Variants in CNKSR1 observed in about 807,000 individuals in gnomAD.
CNKSR1 encodes the protein CNK homolog protein 1.
Under a neutral mutation model 95.6 loss-of-function variants are expected in CNKSR1, and 88 were observed. The ratio of observed to expected loss-of-function variants is 0.92; its 90% confidence interval spans 0.78 to 1.10. The LOEUF (loss-of-function observed/expected upper bound fraction) is 1.10. Among genes scored for constraint, CNKSR1 ranks in the 50% least tolerant of loss-of-function variants. CNKSR1 has a pLI of 0.00. For synonymous variants in CNKSR1, 355 were observed against 369.7 expected, an observed-to-expected ratio of 0.96 and a Z score of 0.46; for missense variants, 836 against 912.0, an observed-to-expected ratio of 0.92 and a Z score of 1.07.
chr1:26,182,047 C>A (rs114806650), intron 4 of CNKSR1, 106 bp downstream of exon 4: 2 of 1,135,252 alleles, frequency 1.8e-6, no homozygotes, highest in Non-Finnish European at 1.3e-6. Context: ...AGGATTGAGA[C>A]GGGCGAGAAA....
At chr1:26,184,037 T>C in intron 9 of CNKSR1, 34 bp from the exon 10 acceptor site, 1 of 1,491,584 alleles carries the variant, frequency 6.7e-7, no homozygotes. Context: ...TTCAGACCCC[T>C]GTCTCCATTG....
chr1:26,180,592 G>A lies in CNKSR1; in HGVS notation c.192G>A (p.Val64=), dbSNP rs1377566625. 7 of 1,614,086 alleles carry A rather than the reference G, an allele frequency of 4.3e-6. No homozygotes were observed. The East Asian group carries it at 1.6e-4, about 36-fold the overall frequency. ...LGHQELILGG[V]EQLQALSSRL... ...ACCAGGAGCTCATCCTGGGCGGGGT[G>A]GAACAGCTCCAGGCCCTGGTGAGTG... is the stretch of plus-strand genomic sequence containing the variant. Residue 64 remains valine, a synonymous_variant, in exon 2 of 21, where the codon GTG becomes GTA. Transcript: ENST00000361530.
intron 3 of CNKSR1, chr1:26,181,546 T>C (rs77337131): frequency 0.039 from 12,348 of 313,604 alleles, 399 homozygotes; most frequent in Non-Finnish European, 0.059. Flanking sequence ...TAATAAATAA[T>C]AACTTATTAT....
In CNKSR1 at chr1:26,188,633, A is replaced by G; in HGVS notation, c.1626A>G (p.Gly542=). Residue 542 remains glycine (G), a synonymous_variant, in exon 19 of 21, where the codon GGA becomes GGG. Transcript: ENST00000361530. The stretch of plus-strand genomic sequence containing the variant: ...CTCAAGCTGGGAGTCCCCTCCATGG[A>G]GACACATCACCTGCAGCCACCCCCA... ...SPAQAGSPLH[G]DTSPAATPTQ... 3.1e-6 allele frequency: 5 copies of G among 1,613,738 alleles called. No individual in the cohort carries two copies. The East Asian group carries it at 1.1e-4, about 36-fold the overall frequency.
At chr1:26,185,805 A>G (rs1465720895) in intron 14 of CNKSR1, among the ~76,000 whole-genome samples, 1 of 152,106 alleles carries the variant, frequency 6.6e-6, no homozygotes. Context: ...TGCTGGGATT[A>G]TAGGCGTGAG....
In CNKSR1 at chr1:26,189,032, C is replaced by T. The variant is rs2088815874; in HGVS notation, c.1872+79C>T. 12 of 1,403,498 alleles carry T rather than the reference C, an allele frequency of 8.6e-6. No individual in the cohort carries two copies. In the South Asian group the frequency reaches 1.4e-4, roughly 17 times the overall value. 86.9% of individuals were successfully genotyped at this position (1,403,498 alleles called of 1,614,324 possible). On this transcript the variant is annotated intron_variant, in intron 20 of 20. Transcript: ENST00000361530. ...TTGGTTTGCGGCTGTCACCTCCACC[C>T]TGGGCACCAGACTCCAGACTCCAGA...
At position 26,189,644 on chromosome 1, in the gene CNKSR1, C is replaced by T. The variant is rs553070807; in HGVS notation, c.*96C>T. ...GGACAGAGCATCCCTGGATTCTGTT[C>T]AGGGTGGGAAGTAGTACTGCTAGTC... On this transcript the variant is annotated 3_prime_UTR_variant, in exon 21 of 21. Transcript: ENST00000361530. 303 of 803,596 alleles carry T rather than the reference C, an allele frequency of 3.8e-4. 3 individuals carry two copies. Among genetic ancestry groups the T allele is most frequent in the South Asian group, 1.8e-3 (132 of 74,960 alleles). The allele number at this position is 803,596 out of a possible 1,614,324, so 49.8% of individuals were successfully genotyped here. A position where few individuals can be genotyped will look rare whatever the true frequency, so the allele number is the denominator to read the frequency against.
intron 14 of CNKSR1, chr1:26,186,962 C>G (rs2088762367): frequency 3.7e-6 from 2 of 547,100 alleles, no homozygotes; most frequent in Non-Finnish European, 6.6e-6. Flanking sequence ...CTCCCCTTTC[C>G]TGGCTTAGAG....
intron 9 of CNKSR1, 79 bp from the exon 10 acceptor site, chr1:26,183,992 G>A: frequency 1.1e-6 from 1 of 892,342 alleles, no homozygotes. Context: ...ACCTGCTCCT[G>A]CTGCTCCCCT....
At chr1:26,188,400 C>T (rs1280108924) in intron 17 of CNKSR1, 42 bp from the exon 18 acceptor site, 5 of 1,604,122 alleles carry the variant, frequency 3.1e-6, no homozygotes, top group African/African-American at 2.7e-5. Context: ...CCCTAGGCCA[C>T]TCCCTGGCCT....
At chr1:26,179,844 A>T (rs1426544367) in intron 1 of CNKSR1, among the ~76,000 whole-genome samples, 1 of 152,178 alleles carries the variant, frequency 6.6e-6, no homozygotes, top group African/African-American at 2.4e-5. Context: ...GCATTAAAAT[A>T]CAAACTGCTG....
At chr1:26,181,167 G>A (rs1194162697) in intron 3 of CNKSR1, 2 of 408,426 alleles carry the variant, frequency 4.9e-6, no homozygotes, top group East Asian at 1.1e-4. Context: ...TGTAATCCCA[G>A]CTACTGGGGA....
chr1:26,181,831 C>T, intron 3 of CNKSR1, 26 bp from the exon 4 acceptor site: 1 of 1,609,346 alleles, frequency 6.2e-7, no homozygotes, highest in Non-Finnish European at 8.5e-7. Context: ...AGTCCCTTAA[C>T]CACTGTGCTA....
rs751291867 is a variant in CNKSR1 at position 26,184,434 on chromosome 1, T to TC, written c.1040dup (p.Glu348GlyfsTer18). 49 of 1,612,078 alleles carry TC rather than the reference T, an allele frequency of 3.0e-5. No individual in the cohort carries two copies. The African/African-American group carries it at 5.6e-4, about 19-fold the overall frequency. ...TCCCTTGGCCCTGAGCCCCTGCCCA[T>TC]CCCCCCGGAACCCCCAGCCATACTC... is the stretch of plus-strand genomic sequence containing the variant. On this transcript the variant is annotated frameshift_variant, in exon 12 of 21. Transcript: ENST00000361530. LOFTEE classifies it high-confidence loss of function.
In CNKSR1 at chr1:26,186,296, T is replaced by G. The variant is rs146974008; in HGVS notation, c.1309-872T>G. Among the ~76,000 whole-genome samples, 1,219 of 152,314 alleles carry G rather than the reference T, an allele frequency of 8.0e-3. 15 individuals carry two copies. Among genetic ancestry groups the G allele is most frequent in the Admixed American group, 0.01 (158 of 15,294 alleles). On this transcript the variant is annotated intron_variant, in intron 14 of 20. Coordinates refer to ENST00000361530, the MANE Select transcript of CNKSR1 (RefSeq NM_006314.3). ...AAATGCATGAGCAAGCTCTTCTTGT[T>G]TGGTTTTTTGGTTTTTGTTTTTGAG... is the stretch of plus-strand genomic sequence containing the variant.
In CNKSR1 at chr1:26,185,193, C is replaced by A. The variant is rs1352623484; in HGVS notation, c.1308+7C>A. 2 of 1,551,570 alleles carry A rather than the reference C, an allele frequency of 1.3e-6. No homozygotes were observed. The highest frequency in any genetic ancestry group is 1.4e-5 in the African/African-American group (1 of 73,170). On this transcript the variant is annotated splice_region_variant and intron_variant, in intron 14 of 20. Transcript: ENST00000361530. The stretch of plus-strand genomic sequence containing the variant: ...CTGGTACCGCCAGCCCCAGGTAAGA[C>A]CCCATACACAAAAACAGGTAGGCAA...
At position 26,185,140 on chromosome 1, in the gene CNKSR1, G is replaced by C. The variant is rs368996857; in HGVS notation, c.1262G>C (p.Trp421Ser). 2 of 1,575,344 alleles carry C rather than the reference G, an allele frequency of 1.3e-6. No homozygotes were observed. Among genetic ancestry groups the C allele is most frequent in the African/African-American group, 2.7e-5 (2 of 74,308 alleles). The change falls in exon 14 of 21, where the codon TGG becomes TCG. Residue 421 changes from tryptophan (W) to serine (S), a missense_variant. By Grantham distance (177) the Trp-to-Ser change is radical. Coordinates refer to ENST00000361530, the MANE Select transcript of CNKSR1 (RefSeq NM_006314.3). ...GFMGPRWRRRWFVLKGHTLYW... is the reference protein window; with the variant it reads ...GFMGPRWRRRSFVLKGHTLYW... Reference sequence around the variant, plus strand: ...ATGGGCCCGCGCTGGCGCCGCCGCTGGTTTGTGCTCAAGGGACACACGCTC... The same window carrying C: ...ATGGGCCCGCGCTGGCGCCGCCGCTCGTTTGTGCTCAAGGGACACACGCTC...
intron 6 of CNKSR1, among the ~76,000 whole-genome samples, chr1:26,182,929 C>A (rs896910934): frequency 1.3e-5 from 2 of 152,088 alleles, no homozygotes; most frequent in Non-Finnish European, 2.9e-5. Flanking sequence ...CCTGCCCTGT[C>A]CCTGCTTGTC....
chr1:26,181,597 A>C (rs1455766470), intron 3 of CNKSR1: 3 of 452,826 alleles, frequency 6.6e-6, no homozygotes, highest in African/African-American at 6.0e-5. Context: ...ATTACAGCCA[A>C]AGTTAAATTG....
Sources: allele counts gnomAD v4.1 joint callset (sites outside exome capture counted in the v4.1 genomes callset), GRCh38; gene constraint gnomAD v4.1.1; transcripts MANE v1.5; gene names NCBI Gene and HGNC (gene_info 2026-07-23, HGNC 2026-07-21).